The following SPEF2 variants were observed in gnomAD, a reference collection of about 807,000 sequenced individuals.
SPEF2 encodes sperm flagella and cilia-associated protein 2.
A neutral mutation model predicts 224.6 loss-of-function variants in SPEF2; 187 were observed. The observed-to-expected ratio is 0.83, with a 90% CI of 0.74 to 0.94. The LOEUF is 0.94. Among genes scored for constraint, SPEF2 ranks in the 40% least tolerant of loss-of-function variants. SPEF2 has a pLI of 0.00. For missense variants in SPEF2, 2,170 were observed against 2,135.6 expected (o/e 1.02, Z -0.32); for synonymous variants, 715 against 707.3 (o/e 1.01, Z -0.17).
rs1415984786 is a variant in SPEF2 at position 35,727,662 on chromosome 5, A to G, written c.2915-13A>G. ...TTTACTTGTATTGGAATAATTTGAT[A>G]TGCATGTTTAAGGTTCTCCTAAAGG... On this transcript the variant is annotated splice_polypyrimidine_tract_variant and intron_variant, in intron 20 of 36. Coordinates refer to ENST00000356031, the MANE Select transcript of SPEF2 (RefSeq NM_024867.4). 6.2e-7 allele frequency: 1 copy of G among 1,608,732 alleles called. No individual in the cohort carries two copies. Among genetic ancestry groups the G allele is most frequent in the East Asian group, 2.2e-5 (1 of 44,762 alleles).
At chr5:35,799,830 A>T in intron 33 of SPEF2, 138 bp from the exon 34 acceptor site, 1 of 838,042 alleles carries the variant, frequency 1.2e-6, no homozygotes, top group Non-Finnish European at 1.9e-6. Flanking sequence ...CATACCATTC[A>T]TTATATGTTA....
chr5:35,695,689 G>C, intron 13 of SPEF2, 46 bp from the exon 14 acceptor site: 1 of 1,492,792 alleles, frequency 6.7e-7, no homozygotes, highest in South Asian at 1.2e-5. Flanking sequence ...TTGGTTGTTA[G>C]GTGTAAATAC....
chr5:35,739,835 T>C (rs1219799327), intron 21 of SPEF2, 84 bp from the exon 22 acceptor site: 7 of 1,518,934 alleles, frequency 4.6e-6, no homozygotes, highest in African/African-American at 2.8e-5. Flanking sequence ...CTTGACCTTT[T>C]TGCTTGGGAC....
chr5:35,779,684 A>ATT (rs561546488), intron 30 of SPEF2, among the ~76,000 whole-genome samples: 125 of 152,192 alleles, frequency 8.2e-4, no homozygotes, highest in African/African-American at 2.8e-3. Context: ...TCTAGTTTAG[A>ATT]TTTTATATTG....
chr5:35,790,136 A>G, intron 30 of SPEF2: 2 of 702,978 alleles, frequency 2.8e-6, no homozygotes, highest in Non-Finnish European at 5.2e-6. Flanking sequence ...CTGCAAGTTC[A>G]GCTGAAGCAG....
chr5:35,653,058 A>G (rs1318552204), intron 6 of SPEF2, among the ~76,000 whole-genome samples: 1 of 152,194 alleles, frequency 6.6e-6, no homozygotes, highest in African/African-American at 2.4e-5. Flanking sequence ...GATGCAGATG[A>G]GAATTGATGA....
intron 16 of SPEF2, among the ~76,000 whole-genome samples, 188 bp from the exon 17 acceptor site, chr5:35,704,366 A>G (rs1293976313): frequency 6.6e-6 from 1 of 152,032 alleles, no homozygotes; most frequent in Non-Finnish European, 1.5e-5. Context: ...ATTTTCCCCA[A>G]TTTCCAAGAA....
intron 30 of SPEF2, among the ~76,000 whole-genome samples, chr5:35,786,682 A>G (rs1755190544): frequency 6.6e-6 from 1 of 151,962 alleles, no homozygotes; most frequent in South Asian, 2.1e-4. Flanking sequence ...AAAAAAGCAA[A>G]GGAGAAGTTA....
chr5:35,763,639 T>C lies in SPEF2; in HGVS notation c.3738T>C (p.Phe1246=). Residue 1246 remains phenylalanine (F), a synonymous_variant, in exon 26 of 37, where the codon TTT becomes TTC. Coordinates refer to ENST00000356031, the MANE Select transcript of SPEF2 (RefSeq NM_024867.4). ...CCCTAGAAAACGTTGAGTCCAACTT[T>C]GAGGCCGATGAAAAGTTGGTCATGG... ...DNSLENVESN[F]EADEKLVMDT... is the part of the protein sequence containing the mutation. 1 of 1,613,952 alleles carries C rather than the reference T, an allele frequency of 6.2e-7. No homozygotes were observed. The highest frequency in any genetic ancestry group is 8.5e-7 in the Non-Finnish European group (1 of 1,179,924).
rs1434606637 is a variant in SPEF2, at chr5:35,670,331, CAT to C, written c.1524+105_1524+106del. The stretch of plus-strand genomic sequence containing the variant: ...TTTCATTTCTACTAATAAAAATAGA[CAT>C]GTTTTGTTTGCATTTTCCCTTGTTT... On this transcript the variant is annotated intron_variant, in intron 10 of 36. Transcript: ENST00000356031. 1.0e-5 allele frequency: 15 copies of C among 1,452,550 alleles called. No individual in the cohort carries two copies. The East Asian group carries it at 1.5e-4, about 15-fold the overall frequency. 90.0% of individuals were successfully genotyped at this position (1,452,550 alleles called of 1,614,324 possible).
chr5:35,694,270 T>C lies in SPEF2; in HGVS notation c.1900-18T>C, dbSNP rs2149541246. ...AGCAATGGTAAAATCCCTCCCTATG[T>C]GTGTTTTCTCTCCAAAGGATCCACA... On this transcript the variant is annotated intron_variant, in intron 12 of 36. Transcript: ENST00000356031. The C allele has an allele frequency of 2.5e-6, 4 of 1,608,362 alleles. No individual in the cohort carries two copies. The highest frequency in any genetic ancestry group is 3.4e-6 in the Non-Finnish European group (4 of 1,175,538).
At chr5:35,658,188 A>G (rs1421015633) in intron 7 of SPEF2, among the ~76,000 whole-genome samples, 1 of 152,212 alleles carries the variant, frequency 6.6e-6, no homozygotes, top group African/African-American at 2.4e-5. Context: ...AACTGAGTTA[A>G]TTGCCCAAGG....
intron 29 of SPEF2, among the ~76,000 whole-genome samples, chr5:35,778,501 G>C (rs1445247638): frequency 6.6e-6 from 1 of 152,096 alleles, no homozygotes; most frequent in Non-Finnish European, 1.5e-5. Context: ...CCCAGCTGTT[G>C]CTGCTTTACC....
chr5:35,744,369 T>C (rs1158712378), intron 23 of SPEF2, among the ~76,000 whole-genome samples: 2 of 152,232 alleles, frequency 1.3e-5, no homozygotes, highest in Non-Finnish European at 2.9e-5. Context: ...GCAATGTCTC[T>C]GGGCAAGTGC....
Position 35,705,684 on chromosome 5 carries a change from G to A in SPEF2, c.2541G>A (p.Leu847=), listed in dbSNP as rs1739608852. 1 of 1,589,844 alleles carries A rather than the reference G, an allele frequency of 6.3e-7. No homozygotes were observed. Among genetic ancestry groups the A allele is most frequent in the Non-Finnish European group, 8.5e-7 (1 of 1,172,938 alleles). Residue 847 remains leucine, a synonymous_variant, in exon 18 of 37, where the codon TTG becomes TTA. Coordinates refer to ENST00000356031, the MANE Select transcript of SPEF2 (RefSeq NM_024867.4). ...GCTTCTTGGACAACTGGCCTTTATT[G>A]GAGCAATGGTTTTCAGAGCCAGAAA... The part of the protein sequence containing the change: ...IIGFLDNWPL[L]EQWFSEPENI...
intron 2 of SPEF2, among the ~76,000 whole-genome samples, chr5:35,635,963 T>C (rs1274213525): frequency 1.3e-5 from 2 of 152,084 alleles, no homozygotes; most frequent in African/African-American, 4.8e-5. Flanking sequence ...TTCTATTCAC[T>C]TTTTTTTCCT....
At chr5:35,798,584 T>A (rs1048864532) in intron 33 of SPEF2, among the ~76,000 whole-genome samples, 5 of 152,146 alleles carry the variant, frequency 3.3e-5, no homozygotes, top group Non-Finnish European at 7.4e-5. Flanking sequence ...GTTTTCATAA[T>A]CACTACATAG....
At chr5:35,649,673 ATTC>A (rs1747914249) in intron 6 of SPEF2, among the ~76,000 whole-genome samples, 1 of 152,218 alleles carries the variant, frequency 6.6e-6, no homozygotes, top group Admixed American at 6.5e-5. Flanking sequence ...TGCTATGTTT[ATTC>A]TTCTAAGTTC....
intron 1 of SPEF2, among the ~76,000 whole-genome samples, chr5:35,623,438 G>A (rs1271504339): frequency 6.6e-6 from 1 of 152,204 alleles, no homozygotes; most frequent in African/African-American, 2.4e-5. Context: ...GCATAAAATG[G>A]TATGGGTCTG....
Sources: allele counts gnomAD v4.1 joint callset (sites outside exome capture counted in the v4.1 genomes callset), GRCh38; gene constraint gnomAD v4.1.1; transcripts MANE v1.5; gene names NCBI Gene and HGNC (gene_info 2026-07-23, HGNC 2026-07-21).